The following SPTLC1 variants were observed in gnomAD, a reference collection of about 807,000 sequenced individuals.
The protein encoded by SPTLC1 is serine palmitoyltransferase 1.
A neutral mutation model predicts 68.9 loss-of-function variants in SPTLC1; 55 were observed. That is an observed-to-expected ratio of 0.80 (90% CI 0.64 to 1.00). The LOEUF is 1.00. SPTLC1 is among the 50% of genes least tolerant of loss of function. The pLI is 0.00. For synonymous variants in SPTLC1, 197 were observed against 201.6 expected (o/e 0.98, Z 0.19); for missense variants, 449 against 573.1 (o/e 0.78, Z 2.21).
At chr9:92,076,327 C>G (rs1834682435) in intron 5 of SPTLC1, among the ~76,000 whole-genome samples, 1 of 152,174 alleles carries the variant, frequency 6.6e-6, no homozygotes, top group African/African-American at 2.4e-5. Flanking sequence ...ACCTCTGATC[C>G]CATTGCCCAA....
intron 6 of SPTLC1, among the ~76,000 whole-genome samples, chr9:92,062,911 A>C (rs940707408): frequency 6.6e-6 from 1 of 152,250 alleles, no homozygotes; most frequent in Non-Finnish European, 1.5e-5. Context: ...GCACTAAATG[A>C]ACATTCAAGA....
intron 10 of SPTLC1, 57 bp downstream of exon 10, chr9:92,047,556 G>C: frequency 8.7e-7 from 1 of 1,145,604 alleles, no homozygotes; most frequent in Non-Finnish European, 1.3e-6. Context: ...TATATTTTGA[G>C]GTGACCAATG....
At chr9:92,068,573 T>A (rs1386672221) in intron 5 of SPTLC1, among the ~76,000 whole-genome samples, 2 of 152,212 alleles carry the variant, frequency 1.3e-5, no homozygotes, top group Non-Finnish European at 2.9e-5. Context: ...GTGTCAGCAT[T>A]TAGTAGTGGC....
At chr9:92,080,177 T>G in intron 4 of SPTLC1, 89 bp from the exon 5 acceptor site, 74 of 967,206 alleles carry the variant, frequency 7.7e-5, no homozygotes, top group Non-Finnish European at 9.2e-5. Context: ...ACAGAGCTCC[T>G]TCCTTCCTCC....
intron 6 of SPTLC1, among the ~76,000 whole-genome samples, chr9:92,067,116 G>A (rs1250072888): frequency 1.3e-5 from 2 of 152,126 alleles, no homozygotes; most frequent in East Asian, 1.9e-4. Flanking sequence ...TGGCCAACAC[G>A]GTAAAACCCT....
chr9:92,090,614 AAAAC>A (rs1455376683), intron 3 of SPTLC1, among the ~76,000 whole-genome samples: 5 of 135,610 alleles, frequency 3.7e-5, no homozygotes, highest in Non-Finnish European at 6.0e-5. Context: ...CCTGTCTCAA[AAAAC>A]AAACAAAAAA....
chr9:92,053,895 T>C, intron 8 of SPTLC1: 3 of 877,664 alleles, frequency 3.4e-6, no homozygotes, highest in South Asian at 5.2e-5. Context: ...CAATTTAAAT[T>C]GGTTAATTTT....
intron 3 of SPTLC1, among the ~76,000 whole-genome samples, chr9:92,094,829 AG>A (rs1205276729): frequency 6.6e-6 from 1 of 152,196 alleles, no homozygotes; most frequent in East Asian, 1.9e-4. Context: ...CTCATTGACC[AG>A]CAGGGCATAC....
chr9:92,046,217 T>C (rs1587913526), intron 11 of SPTLC1, 164 bp from the exon 12 acceptor site: 1 of 665,488 alleles, frequency 1.5e-6, no homozygotes, highest in Non-Finnish European at 2.6e-6. Flanking sequence ...GCCCAAGCTT[T>C]GTCTCTGGTG....
At position 92,083,562 on chromosome 9, in the gene SPTLC1, G is replaced by A. The variant is rs539668680; in HGVS notation, c.261-2599C>T. Among the ~76,000 whole-genome samples, 456 of 152,144 alleles carry A rather than the reference G, an allele frequency of 3.0e-3. 4 individuals are homozygous for A. The highest frequency in any genetic ancestry group is 0.011 in the African/African-American group (437 of 41,492). ...GATCAGATAGTTGTAGATATGTGGC[G>A]TTATTTCTGAGGGCTCTGTTCTGTT... On this transcript the variant is annotated intron_variant, in intron 3 of 14. Transcript: ENST00000262554.
At chr9:92,059,389 C>G in intron 6 of SPTLC1, 81 bp from the exon 7 acceptor site, 1 of 1,427,054 alleles carries the variant, frequency 7.0e-7, no homozygotes. Flanking sequence ...TTTTTGTAAG[C>G]TGACCAATCA....
intron 8 of SPTLC1, chr9:92,055,184 CCACT>C: frequency 1.0e-6 from 1 of 962,910 alleles, no homozygotes; most frequent in Non-Finnish European, 1.2e-6. Flanking sequence ...TGTGTTCACA[CCACT>C]GCACTCCAGC....
chr9:92,066,717 T>C (rs373971114), intron 6 of SPTLC1, among the ~76,000 whole-genome samples: 67 of 152,292 alleles, frequency 4.4e-4, no homozygotes, highest in African/African-American at 1.6e-3. Context: ...CTGGCTGTGA[T>C]GTTAAAAAGG....
In SPTLC1 at chr9:92,055,195, C is replaced by T. The variant is rs547631655; in HGVS notation, c.780+210G>A. The T allele has an allele frequency of 4.5e-5, 44 of 983,432 alleles. No individual in the cohort carries two copies. In the African/African-American group the frequency reaches 7.5e-4, roughly 17 times the overall value. The allele number at this position is 983,432 out of a possible 1,614,324, so 60.9% of individuals were successfully genotyped here. The stretch of plus-strand genomic sequence containing the variant: ...GAGCTGTGTTCACACCACTGCACTC[C>T]AGCCTGGGCAACAGAGCAGTCTTGA... On this transcript the variant is annotated intron_variant, in intron 8 of 14. Transcript: ENST00000262554.
chr9:92,059,691 C>T (rs147113281), intron 6 of SPTLC1, among the ~76,000 whole-genome samples: 94 of 152,222 alleles, frequency 6.2e-4, no homozygotes, highest in African/African-American at 2.1e-3. Flanking sequence ...ATTATTTTGC[C>T]CTGAGAAGTA....
At chr9:92,058,806 T>C (rs1262769351) in intron 7 of SPTLC1, among the ~76,000 whole-genome samples, 2 of 152,162 alleles carry the variant, frequency 1.3e-5, no homozygotes, top group Non-Finnish European at 2.9e-5. Context: ...TTTATTCTGG[T>C]ATGAATAAGC....
At chr9:92,051,887 T>A (rs1428964824) in intron 8 of SPTLC1, among the ~76,000 whole-genome samples, 5 of 152,230 alleles carry the variant, frequency 3.3e-5, no homozygotes, top group Non-Finnish European at 5.9e-5. Flanking sequence ...TACTTAGTGA[T>A]AAATTTAACC....
chr9:92,090,514 A>G (rs1226943125), intron 3 of SPTLC1, among the ~76,000 whole-genome samples: 8 of 152,004 alleles, frequency 5.3e-5, no homozygotes, highest in Non-Finnish European at 1.2e-4. Context: ...CCAGAGGCGG[A>G]GGCAGGAGAA....
intron 2 of SPTLC1, chr9:92,111,070 C>G (rs935121715): frequency 6.6e-6 from 1 of 152,174 alleles, no homozygotes; most frequent in Non-Finnish European, 1.5e-5. Flanking sequence ...AACAGCCTGA[C>G]TACTACCTCT....
Sources: gnomAD v4.1 joint callset for allele counts (sites outside exome capture counted in the v4.1 genomes callset) on GRCh38, gnomAD v4.1.1 for gene constraint, MANE v1.5 for transcripts, NCBI Gene and HGNC (gene_info 2026-07-23, HGNC 2026-07-21) for gene names.